The following BMP1 variants were observed in gnomAD, a reference collection of about 807,000 sequenced individuals.
The protein encoded by BMP1 is bone morphogenetic protein 1, also known as mammalian tolloid protein.
BMP1 carries 63 observed loss-of-function variants against 116.8 expected under a neutral mutation model. That is an observed-to-expected ratio of 0.54 (90% CI 0.44 to 0.67). The LOEUF (loss-of-function observed/expected upper bound fraction) is 0.67, where lower values mean the gene tolerates loss of function less well. BMP1 is among the 30% of genes least tolerant of loss of function. The pLI is 0.00. For synonymous variants in BMP1, 536 were observed against 533.4 expected (o/e 1.00, Z -0.07); for missense variants, 1,183 against 1,358.9 (o/e 0.87, Z 2.04).
chr8:22,208,939 C>T (rs1829412768), intron 18 of BMP1, among the ~76,000 whole-genome samples: 1 of 152,248 alleles, frequency 6.6e-6, no homozygotes, highest in African/African-American at 2.4e-5. Context: ...CTGCCCTTCC[C>T]AGCACAGGGT....
At chr8:22,182,062 TTC>T (rs1242660366) in intron 8 of BMP1, among the ~76,000 whole-genome samples, 6 of 152,326 alleles carry the variant, frequency 3.9e-5, no homozygotes, top group African/African-American at 1.4e-4. Flanking sequence ...ACCCCAGACC[TTC>T]TGTGTCCATA....
At chr8:22,186,239 C>A (rs1828767889) in intron 8 of BMP1, among the ~76,000 whole-genome samples, 1 of 152,224 alleles carries the variant, frequency 6.6e-6, no homozygotes, top group Non-Finnish European at 1.5e-5. Flanking sequence ...CCCTAAGTTC[C>A]TGCTTCTTGA....
chr8:22,201,252 G>A, intron 15 of BMP1: 1 of 1,582,370 alleles, frequency 6.3e-7, no homozygotes, highest in Non-Finnish European at 8.6e-7. Flanking sequence ...CCTCACCTTG[G>A]ACGGAATGGG....
rs76021885 is a variant in BMP1 at position 22,192,141 on chromosome 8, G to T, written c.1170G>T (p.Ala390=). The T allele has an allele frequency of 3.0e-4, 489 of 1,613,126 alleles. 1 individual carries two copies. The African/African-American group carries it at 6.2e-3, about 20-fold the overall frequency. The change falls in exon 9 of 20, where the codon GCG becomes GCT. Residue 390 remains alanine, a synonymous_variant. Transcript: ENST00000306385. ...VEVRDGFWRK[A]PLRGRFCGSK... ...TCCGAGATGGCTTCTGGAGGAAGGC[G>T]CCCCTCCGAGGTAACGGCACCAGCC...
chr8:22,194,878 G>T lies in BMP1; in HGVS notation c.1598G>T (p.Gly533Val). 9 of 1,613,266 alleles carry T rather than the reference G, an allele frequency of 5.6e-6. No homozygotes were observed. The highest frequency in any genetic ancestry group is 7.6e-6 in the Non-Finnish European group (9 of 1,179,800). ...CTCTGGCTCAAGTTCGTCTCTGACG[G>T]GTCCATTAACAAAGCGGGCTTTGCC... ...SRLWLKFVSD[G>V]SINKAGFAVN... is the part of the protein sequence containing the mutation. The change falls in exon 12 of 20, where the codon GGG becomes GTG. Residue 533 changes from glycine (G) to valine (V), a missense_variant. Transcript: ENST00000306385. The surrounding 1 kb of genome is among the most constrained non-coding windows in gnomAD (Gnocchi z 4.5).
chr8:22,175,520 A>C (rs1209511405), intron 2 of BMP1, among the ~76,000 whole-genome samples: 3 of 152,214 alleles, frequency 2.0e-5, no homozygotes, highest in African/African-American at 7.2e-5. Context: ...CCTAGGGAAA[A>C]TACAGGGTCA....
chr8:22,182,053 C>A (rs935217023), intron 8 of BMP1, among the ~76,000 whole-genome samples: 1 of 152,198 alleles, frequency 6.6e-6, no homozygotes, highest in Non-Finnish European at 1.5e-5. Context: ...TCCGCACCAA[C>A]CCCAGACCTT....
rs551629925 is a variant in BMP1 at position 22,208,446 on chromosome 8, G to C, written c.2575+930G>C. Among the ~76,000 whole-genome samples the C allele has an allele frequency of 1.1e-3, 164 of 152,188 alleles. 3 individuals are homozygous for C. The highest frequency in any genetic ancestry group is 7.3e-5 in the Non-Finnish European group (5 of 68,028). On this transcript the variant is annotated intron_variant, in intron 18 of 19. Coordinates refer to ENST00000306385, the MANE Select transcript of BMP1 (RefSeq NM_006129.5). ...CCAGGAGAGAGACAAGGCAGGCACC[G>C]CCCGTGACAGCATGAGCCCAAGCGG...
At chr8:22,201,090 C>T (rs749120407) in intron 15 of BMP1, 6 of 1,551,824 alleles carry the variant, frequency 3.9e-6, no homozygotes, top group Non-Finnish European at 5.3e-6. Flanking sequence ...CCCCTTGGTC[C>T]CTTTTCTCCT....
chr8:22,181,518 T>G (rs1828620354), intron 8 of BMP1, among the ~76,000 whole-genome samples: 1 of 152,132 alleles, frequency 6.6e-6, no homozygotes, highest in South Asian at 2.1e-4. Context: ...GCTCACTACT[T>G]TTCAGAATAA....
In BMP1 at chr8:22,196,739, A is replaced by C. The variant is rs757803172; in HGVS notation, c.1825A>C (p.Lys609Gln). The C allele has an allele frequency of 1.5e-5, 25 of 1,612,982 alleles. No homozygotes were observed. The highest frequency in any genetic ancestry group is 4.0e-5 in the African/African-American group (3 of 74,666). ...CTCCATCACCAGCCCGGGCTGGCCCAAGGAGTACCCCCCCAACAAGAACTG... is the reference window on the plus strand; with the variant it reads ...CTCCATCACCAGCCCGGGCTGGCCCCAGGAGTACCCCCCCAACAAGAACTG... ...NGSITSPGWPKEYPPNKNCIW... is the reference protein window; with the variant it reads ...NGSITSPGWPQEYPPNKNCIW... The change falls in exon 14 of 20, where the codon AAG becomes CAG. Residue 609 changes from lysine (K) to glutamine (Q), a missense_variant. Physicochemically the swap from Lys to Gln is moderately conservative, Grantham distance 53. Transcript: ENST00000306385.
chr8:22,195,669 A>G, intron 13 of BMP1, 82 bp downstream of exon 13: 5 of 1,530,720 alleles, frequency 3.3e-6, no homozygotes, highest in Non-Finnish European at 4.4e-6. Context: ...TTTTTTAGAC[A>G]GGCTTTTGCT....
At chr8:22,197,185 G>A (rs1472836747) in intron 14 of BMP1, 55 bp from the exon 15 acceptor site, 6 of 1,578,278 alleles carry the variant, frequency 3.8e-6, no homozygotes, top group African/African-American at 2.7e-5. Context: ...GAGGGCAGGA[G>A]TAGTCAAGAG....
At chr8:22,206,765 G>C in intron 16 of BMP1, 89 bp from the exon 17 acceptor site, 6 of 1,348,328 alleles carry the variant, frequency 4.4e-6, no homozygotes, top group South Asian at 1.3e-5. Context: ...GAAGAAAGGA[G>C]GGGGGGCAGG....
chr8:22,179,957 ACCC>A lies in BMP1; in HGVS notation c.961+130_961+132del. 9.1e-7 allele frequency: 1 copy of A among 1,099,148 alleles called. No individual in the cohort carries two copies. The highest frequency in any genetic ancestry group is 2.6e-5 in the East Asian group (1 of 37,986). The allele number at this position is 1,099,148 out of a possible 1,614,324, so 68.1% of individuals were successfully genotyped here. A position where few individuals can be genotyped will look rare whatever the true frequency, so the allele number is the denominator to read the frequency against. The stretch of plus-strand genomic sequence containing the variant: ...AGAGAATGGTGTGGCGGGGGAGGGG[ACCC>A]CATAGGAGGGGCAGTGTCCAAGTGA... On this transcript the variant is annotated intron_variant, in intron 7 of 19. Transcript: ENST00000306385. The surrounding 1 kb of genome is among the most constrained non-coding windows in gnomAD (Gnocchi z 4.6).
Position 22,187,497 on chromosome 8 carries a change from ATTTTTTTT to A in BMP1, c.1078-4534_1078-4527del, listed in dbSNP as rs768807192. On this transcript the variant is annotated intron_variant, in intron 8 of 19. Transcript: ENST00000306385. ...AGGAGCCCGCCACCACGCCCGGCTA[ATTTTTTTT>A]TTTTTTTTTTTTTTTTTGTATTTTT... is the stretch of plus-strand genomic sequence containing the variant. Among the ~76,000 whole-genome samples, 58 of 104,418 alleles carry A rather than the reference ATTTTTTTT, an allele frequency of 5.6e-4. 1 individual carries two copies. Among genetic ancestry groups the A allele is most frequent in the Admixed American group, 1.6e-3 (15 of 9,366 alleles). The allele number at this position is 104,418 out of a possible 152,430, so 68.5% of individuals were successfully genotyped here.
At chr8:22,195,708 T>A in intron 13 of BMP1, 121 bp downstream of exon 13, 1 of 1,394,916 alleles carries the variant, frequency 7.2e-7, no homozygotes, top group Non-Finnish European at 9.6e-7. Flanking sequence ...GTACAGTGGC[T>A]CAATCTTAGC....
At position 22,173,692 on chromosome 8, in the gene BMP1, G is replaced by GT; in HGVS notation, c.240dup (p.Lys81Ter). On this transcript the variant is annotated frameshift_variant, in exon 2 of 20. Coordinates refer to ENST00000306385, the MANE Select transcript of BMP1 (RefSeq NM_006129.5). LOFTEE classifies it high-confidence loss of function. ...GTGGATCTCAGACGGCACACAGCTC[G>GT]TAAGTCCTCCATCAAAGCTGCAGGT... 6.2e-7 allele frequency: 1 copy of GT among 1,612,892 alleles called. No individual in the cohort carries two copies. Among genetic ancestry groups the GT allele is most frequent in the Non-Finnish European group, 8.5e-7 (1 of 1,179,258 alleles).
chr8:22,182,231 T>G (rs1309871805), intron 8 of BMP1, among the ~76,000 whole-genome samples: 1 of 152,228 alleles, frequency 6.6e-6, no homozygotes, highest in Non-Finnish European at 1.5e-5. Context: ...TCACCATCCA[T>G]CAGGTAGCCC....
Sources: gnomAD v4.1 joint callset for allele counts (sites outside exome capture counted in the v4.1 genomes callset) on GRCh38, gnomAD v4.1.1 for gene constraint, Gnocchi (gnomAD v3.1) non-coding constraint, MANE v1.5 for transcripts, NCBI Gene and HGNC (gene_info 2026-07-23, HGNC 2026-07-21) for gene names.